Variants in DLG2 observed in about 807,000 individuals in gnomAD.
DLG2 encodes the protein disks large homolog 2.
Under a neutral mutation model 132.5 loss-of-function variants are expected in DLG2, and 45 were observed. The ratio of observed to expected loss-of-function variants is 0.34; its 90% CI spans 0.27 to 0.44. DLG2 has a LOEUF of 0.44. Ranked by LOEUF, DLG2 falls within the 20% of genes least tolerant of loss-of-function variation. The pLI is 1.00. For synonymous variants in DLG2, 424 were observed against 419.6 expected, an observed-to-expected ratio of 1.01 and a Z score of -0.13; for missense variants, 1,045 against 1,196.9, an observed-to-expected ratio of 0.87 and a Z score of 1.87.
chr11:85,478,892 G>A (rs1021188561), intron 3 of DLG2, among the ~76,000 whole-genome samples: 1 of 152,090 alleles, frequency 6.6e-6, no homozygotes, highest in African/African-American at 2.4e-5. Context: ...ATAGGTTTAA[G>A]ACCTAAATTT....
intron 3 of DLG2, among the ~76,000 whole-genome samples, chr11:85,454,632 C>G (rs577876196): frequency 6.6e-6 from 1 of 152,094 alleles, no homozygotes; most frequent in South Asian, 2.1e-4. Context: ...ATGGTATTTC[C>G]TAGGTTTTCT....
intron 6 of DLG2, among the ~76,000 whole-genome samples, chr11:84,643,831 T>A (rs1163282226): frequency 1.3e-5 from 2 of 152,190 alleles, no homozygotes; most frequent in African/African-American, 4.8e-5. Flanking sequence ...TTTTGAAATA[T>A]GACAAGGAAA....
intron 6 of DLG2, among the ~76,000 whole-genome samples, chr11:84,717,791 C>A (rs542936915): frequency 6.6e-6 from 1 of 152,152 alleles, no homozygotes; most frequent in East Asian, 1.9e-4. Flanking sequence ...ATATAAGCAA[C>A]AATCATTTGA....
In DLG2 at chr11:83,466,766, C is replaced by T. The variant is rs780270545; in HGVS notation, c.2671G>A (p.Val891Ile). ...VSGNAIKRLQ[V>I]AQLYPIAIFI... ...ATGGCAATGGGATAGAGCTGGGCAA[C>T]TTGTAACCGCTTGATAGCATTTCCT... Residue 891 changes from valine (V) to isoleucine (I), a missense_variant, in exon 26 of 28, where the codon GTT (valine) becomes ATT (isoleucine). By Grantham distance (29) the Val-to-Ile change is conservative (BLOSUM62 3). This residue lies in a region of DLG2 where 398 missense variants were observed against 543.6 expected (regional missense o/e 0.73). Coordinates refer to ENST00000376104, the MANE Select transcript of DLG2 (RefSeq NM_001142699.3). 1 of 1,613,844 alleles carries T rather than the reference C, an allele frequency of 6.2e-7. No individual in the cohort carries two copies. Among genetic ancestry groups the T allele is most frequent in the Non-Finnish European group, 8.5e-7 (1 of 1,179,782 alleles).
At chr11:83,865,972 G>A (rs1232744264) in intron 16 of DLG2, among the ~76,000 whole-genome samples, 1 of 152,060 alleles carries the variant, frequency 6.6e-6, no homozygotes, top group African/African-American at 2.4e-5. Context: ...TCTTTGCCTA[G>A]TCAAGGTCTA....
intron 7 of DLG2, among the ~76,000 whole-genome samples, chr11:84,333,586 C>T (rs955427875): frequency 1.3e-5 from 2 of 152,170 alleles, no homozygotes; most frequent in Non-Finnish European, 2.9e-5. Context: ...GCTGTTTACA[C>T]TTTTTTCTTA....
intron 7 of DLG2, among the ~76,000 whole-genome samples, chr11:84,395,642 G>A (rs1377674937): frequency 6.6e-6 from 1 of 152,106 alleles, no homozygotes; most frequent in Non-Finnish European, 1.5e-5. Context: ...AGAGGTTTCT[G>A]CCTGACAATG....
chr11:84,396,744 G>C (rs1190520690), intron 7 of DLG2, among the ~76,000 whole-genome samples: 3 of 152,152 alleles, frequency 2.0e-5, no homozygotes, highest in African/African-American at 7.2e-5. Flanking sequence ...AATACCATTG[G>C]GAAAATAGGC....
At chr11:84,838,421 C>G (rs889771478) in intron 6 of DLG2, among the ~76,000 whole-genome samples, 1 of 150,468 alleles carries the variant, frequency 6.6e-6, no homozygotes, top group Non-Finnish European at 1.5e-5. Context: ...AAGGAGGATG[C>G]CATGTTGCAT....
intron 7 of DLG2, among the ~76,000 whole-genome samples, chr11:84,433,864 C>T (rs925957945): frequency 6.6e-6 from 1 of 152,068 alleles, no homozygotes; most frequent in African/African-American, 2.4e-5. Flanking sequence ...TGCCTGTAAT[C>T]CCAGCACTTT....
At chr11:83,904,146 G>T (rs895259648) in intron 15 of DLG2, among the ~76,000 whole-genome samples, 5 of 152,062 alleles carry the variant, frequency 3.3e-5, no homozygotes, top group Admixed American at 6.6e-5. Flanking sequence ...CTAAAGGGTG[G>T]GTAGTGTATA....
intron 3 of DLG2, chr11:85,525,064 A>G (rs2074641963): frequency 6.6e-6 from 1 of 152,132 alleles, no homozygotes; most frequent in African/African-American, 2.4e-5. Context: ...AAATTATAAC[A>G]TTTGTCAAAA....
At chr11:83,567,888 T>C (rs2096457597) in intron 19 of DLG2, among the ~76,000 whole-genome samples, 1 of 152,058 alleles carries the variant, frequency 6.6e-6, no homozygotes, top group Admixed American at 6.6e-5. Flanking sequence ...TGTCAAAAAC[T>C]GAAGAATTGA....
chr11:84,871,409 T>C (rs897029654), intron 6 of DLG2, among the ~76,000 whole-genome samples: 3 of 152,192 alleles, frequency 2.0e-5, no homozygotes, highest in African/African-American at 4.8e-5. Flanking sequence ...CTTAACAACC[T>C]TCACAACCTA....
At chr11:84,307,725 G>T (rs1014072287) in intron 7 of DLG2, among the ~76,000 whole-genome samples, 1 of 130,172 alleles carries the variant, frequency 7.7e-6, no homozygotes, top group African/African-American at 3.3e-5. Context: ...AAGAAGCCGC[G>T]GACCCTCGCG....
chr11:85,145,159 T>C (rs941208384), intron 5 of DLG2, among the ~76,000 whole-genome samples: 1 of 152,060 alleles, frequency 6.6e-6, no homozygotes, highest in South Asian at 2.1e-4. Flanking sequence ...TGCACCTCTA[T>C]CTTGGACTGT....
Position 85,111,687 on chromosome 11 carries a change from C to G in DLG2, c.331G>C (p.Ala111Pro), listed in dbSNP as rs1449119270. The G allele has an allele frequency of 1.9e-6, 3 of 1,565,924 alleles. No homozygotes were observed. Among genetic ancestry groups the G allele is most frequent in the Non-Finnish European group, 2.6e-6 (3 of 1,154,438 alleles). ...PAQNCSVEAPAWMPVHHCTKY... is the reference protein window; with the variant it reads ...PAQNCSVEAPPWMPVHHCTKY... Reference sequence around the variant, plus strand: ...GTACAGTGGTGGACAGGCATCCAAGCAGGGGCTTCCACTGAACAATTCTGG... The same window carrying G: ...GTACAGTGGTGGACAGGCATCCAAGGAGGGGCTTCCACTGAACAATTCTGG... The change falls in exon 6 of 28, where the codon GCT becomes CCT. Residue 111 changes from alanine to proline, a missense_variant. Ala to Pro is a conservative substitution (Grantham distance 27, BLOSUM62 -1). Coordinates refer to ENST00000376104, the MANE Select transcript of DLG2 (RefSeq NM_001142699.3).
chr11:83,660,162 C>T (rs1003223972), intron 18 of DLG2, among the ~76,000 whole-genome samples: 4 of 152,156 alleles, frequency 2.6e-5, no homozygotes, highest in Admixed American at 6.5e-5. Context: ...TGAGCATCTA[C>T]TGTGTCTCTG....
chr11:84,334,824 G>T (rs1311519490), intron 7 of DLG2, among the ~76,000 whole-genome samples: 2 of 151,984 alleles, frequency 1.3e-5, no homozygotes. Context: ...AGGCTATGGG[G>T]GTATATAAGA....
Sources: allele counts gnomAD v4.1 joint callset (sites outside exome capture counted in the v4.1 genomes callset), GRCh38; gene constraint gnomAD v4.1.1; regional missense constraint gnomAD v4.1.1; transcripts MANE v1.5; gene names NCBI Gene and HGNC (gene_info 2026-07-23, HGNC 2026-07-21).